The following CTNNA3 variants were observed in gnomAD, a reference collection of about 807,000 sequenced individuals.
CTNNA3 encodes the protein catenin alpha-3.
Under a neutral mutation model 95.7 loss-of-function variants are expected in CTNNA3, and 76 were observed. That is an observed-to-expected ratio of 0.79 (90% confidence interval 0.66 to 0.96). The LOEUF (loss-of-function observed/expected upper bound fraction) is 0.96. Ranked by LOEUF, CTNNA3 falls within the 40% of genes least tolerant of loss-of-function variation. The probability of loss-of-function intolerance (pLI) is 0.00; values close to 1 mark genes in which losing one functional copy is unlikely to be tolerated. For missense variants in CTNNA3, 1,191 were observed against 1,089.8 expected (o/e 1.09, Z -1.31); for synonymous variants, 431 against 374.4 (o/e 1.15, Z -1.74).
intron 1 of CTNNA3, among the ~76,000 whole-genome samples, chr10:67,686,903 AGG>A (rs891508638): frequency 1.3e-5 from 2 of 152,152 alleles, no homozygotes; most frequent in Non-Finnish European, 2.9e-5. Flanking sequence ...CTCCTCAAGC[AGG>A]GGACAACAAA....
intron 10 of CTNNA3, among the ~76,000 whole-genome samples, chr10:66,549,988 T>TA (rs1842165318): frequency 6.6e-6 from 1 of 152,214 alleles, no homozygotes; most frequent in Non-Finnish European, 1.5e-5. Context: ...GACGTATCTT[T>TA]AATGTCTTCA....
intron 1 of CTNNA3, among the ~76,000 whole-genome samples, chr10:67,722,053 G>C (rs956090902): frequency 6.6e-6 from 1 of 152,090 alleles, no homozygotes; most frequent in African/African-American, 2.4e-5. Flanking sequence ...CTGCAGACTG[G>C]AGCAGTTCCT....
chr10:67,677,165 G>T lies in CTNNA3; in HGVS notation c.-6+18835C>A, dbSNP rs373312241. Among the ~76,000 whole-genome samples the T allele has an allele frequency of 9.1e-4, 138 of 152,212 alleles. No homozygotes were observed. The South Asian group carries it at 0.027, about 30-fold the overall frequency. On this transcript the variant is annotated intron_variant, in intron 1 of 17. Transcript: ENST00000433211. ...GGCAAGCTTTCTCAAGTTAGAAAAA[G>T]ACCCTTTTACGCTAGTATCTGAGAC...
At chr10:66,419,507 T>A (rs367936717) in intron 11 of CTNNA3, among the ~76,000 whole-genome samples, 46 of 152,168 alleles carry the variant, frequency 3.0e-4, no homozygotes, top group African/African-American at 1.1e-3. Context: ...ATGAAGACAC[T>A]AATGCCATTT....
intron 5 of CTNNA3, among the ~76,000 whole-genome samples, chr10:67,237,126 G>GTATA (rs59511861): frequency 2.5e-4 from 10 of 39,872 alleles, no homozygotes; most frequent in Non-Finnish European, 4.4e-4. Context: ...TATGGTGTAT[G>GTATA]TATATATATA....
At chr10:66,014,589 T>G (rs2079059840) in intron 15 of CTNNA3, among the ~76,000 whole-genome samples, 1 of 152,214 alleles carries the variant, frequency 6.6e-6, no homozygotes, top group Admixed American at 6.5e-5. Context: ...TGGTCTAGTA[T>G]AAGTACTGTC....
At chr10:66,206,445 A>C (rs1278770055) in intron 13 of CTNNA3, among the ~76,000 whole-genome samples, 1 of 151,850 alleles carries the variant, frequency 6.6e-6, no homozygotes. Context: ...TAAATTTTCC[A>C]GTGATAATAT....
At chr10:66,412,233 G>C (rs1048409045) in intron 11 of CTNNA3, among the ~76,000 whole-genome samples, 2 of 152,088 alleles carry the variant, frequency 1.3e-5, no homozygotes, top group Admixed American at 1.3e-4. Flanking sequence ...GTGGTGGTCA[G>C]AAAATAGCAT....
At chr10:66,063,300 CT>C (rs1836973903) in intron 15 of CTNNA3, among the ~76,000 whole-genome samples, 4 of 136,072 alleles carry the variant, frequency 2.9e-5, no homozygotes, top group Non-Finnish European at 6.4e-5. Flanking sequence ...GTATAAATCT[CT>C]CTCTCTATAT....
At chr10:67,656,157 T>C (rs1840019369) in intron 1 of CTNNA3, among the ~76,000 whole-genome samples, 1 of 152,196 alleles carries the variant, frequency 6.6e-6, no homozygotes, top group African/African-American at 2.4e-5. Context: ...ATGTTTGGCC[T>C]ACCAAGAAAG....
intron 3 of CTNNA3, among the ~76,000 whole-genome samples, chr10:67,558,650 G>T (rs1045816211): frequency 2.8e-4 from 42 of 152,230 alleles, no homozygotes; most frequent in African/African-American, 9.4e-4. Context: ...GACAGTGGGT[G>T]CAGTGCACTG....
chr10:66,630,798 A>C (rs1434475669), intron 9 of CTNNA3, among the ~76,000 whole-genome samples: 1 of 152,152 alleles, frequency 6.6e-6, no homozygotes, highest in African/African-American at 2.4e-5. Context: ...GGTTCTGTAG[A>C]ATATTTAACT....
rs1184478265 is a variant in CTNNA3, at chr10:67,742,874, C to T, written c.-2+20560G>A. On this transcript the variant is annotated intron_variant, in intron 1 of 17. Transcript: ENST00000684154. Reference sequence around the variant, plus strand: ...TACCATCAGAGAATACTATAAACACCTCTACACAAATAAACTAGAAAATCT... The same window carrying T: ...TACCATCAGAGAATACTATAAACACTTCTACACAAATAAACTAGAAAATCT... 2.0e-5 allele frequency among the ~76,000 whole-genome samples: 3 copies of T among 151,292 alleles called. 1 individual carries two copies. The highest frequency in any genetic ancestry group is 4.4e-5 in the Non-Finnish European group (3 of 67,724).
At chr10:65,970,407 T>A (rs1309726604) in intron 16 of CTNNA3, among the ~76,000 whole-genome samples, 1 of 151,916 alleles carries the variant, frequency 6.6e-6, no homozygotes, top group Non-Finnish European at 1.5e-5. Flanking sequence ...CATGATAGGA[T>A]CAAAATCTTG....
At chr10:65,994,667 T>C (rs1471057810) in intron 15 of CTNNA3, among the ~76,000 whole-genome samples, 1 of 152,184 alleles carries the variant, frequency 6.6e-6, no homozygotes, top group African/African-American at 2.4e-5. Context: ...TGGGGCTCTT[T>C]AAGCTTTCTG....
intron 10 of CTNNA3, among the ~76,000 whole-genome samples, chr10:66,546,839 A>G (rs1842048723): frequency 6.6e-6 from 1 of 152,174 alleles, no homozygotes; most frequent in East Asian, 1.9e-4. Flanking sequence ...CAGCCAAACC[A>G]TAGTCATGGT....
chr10:66,941,933 G>A (rs1333032915), intron 7 of CTNNA3, among the ~76,000 whole-genome samples: 1 of 152,128 alleles, frequency 6.6e-6, no homozygotes, highest in African/African-American at 2.4e-5. Flanking sequence ...AAGTCTGTTC[G>A]TGGAAGACTT....
intron 11 of CTNNA3, among the ~76,000 whole-genome samples, chr10:66,491,448 T>C (rs1839919831): frequency 6.6e-6 from 1 of 152,216 alleles, no homozygotes; most frequent in African/African-American, 2.4e-5. Context: ...CCTATGAACT[T>C]TTAACATATT....
rs144152750 is a variant in CTNNA3, at chr10:67,180,434, C to T, written c.930G>A (p.Gly310=). Reference sequence around the variant, plus strand: ...ATGAAGAATCCGCCAGCAGAGCAGCCCCACTGATAATGGCTTCAAGGCGTT... The same window carrying T: ...ATGAAGAATCCGCCAGCAGAGCAGCTCCACTGATAATGGCTTCAAGGCGTT... ...LEKRLEAIIS[G]AALLADSSCT... Residue 310 remains glycine, a synonymous_variant, in exon 7 of 18, where the codon GGG becomes GGA. Coordinates refer to ENST00000433211, the MANE Select transcript of CTNNA3 (RefSeq NM_013266.4). 1 of 1,613,610 alleles carries T rather than the reference C, an allele frequency of 6.2e-7. No homozygotes were observed. The highest frequency in any genetic ancestry group is 8.5e-7 in the Non-Finnish European group (1 of 1,179,840).
Sources: gnomAD v4.1 joint callset for allele counts (sites outside exome capture counted in the v4.1 genomes callset) on GRCh38, gnomAD v4.1.1 for gene constraint, MANE v1.5 for transcripts, NCBI Gene and HGNC (gene_info 2026-07-23, HGNC 2026-07-21) for gene names.